Variants in GRK1 observed in about 807,000 individuals in gnomAD.
GRK1 encodes the protein G protein-coupled receptor kinase 1.
Under a neutral mutation model 41.7 loss-of-function variants are expected in GRK1, and 28 were observed. The observed-to-expected ratio is 0.67, with a 90% CI of 0.50 to 0.92. The LOEUF is 0.92. Ranked by LOEUF, GRK1 falls within the 40% of genes least tolerant of loss-of-function variation. The pLI is 0.00. For synonymous variants in GRK1, 327 were observed against 286.7 expected, an observed-to-expected ratio of 1.14 and a Z score of -1.42; for missense variants, 703 against 671.2, an observed-to-expected ratio of 1.05 and a Z score of -0.52.
At chr13:113,733,911 AGT>A (rs778779825) in intron 6 of GRK1, among the ~76,000 whole-genome samples, 17 of 57,386 alleles carry the variant, frequency 3.0e-4, no homozygotes, top group East Asian at 6.3e-4. Context: ...GTGTGCATAC[AGT>A]GTGCGTGTGT....
At chr13:113,649,543 G>T in the GRK1 span, 1 of 1,504,282 alleles carries the variant, frequency 6.6e-7, no homozygotes, top group East Asian at 2.5e-5. The surrounding 1 kb of genome is among the most constrained non-coding windows in gnomAD (Gnocchi z 4.7). Flanking sequence ...GGGCTGAAGT[G>T]GGAGTGAGGA....
the GRK1 span, chr13:113,658,270 C>G: frequency 2.7e-4 from 253 of 921,974 alleles, no homozygotes; most frequent in Non-Finnish European, 3.7e-4. Flanking sequence ...GGCGAAGGAT[C>G]CCAGGGAGAG....
At position 113,733,042 on chromosome 13, in the gene GRK1, C is replaced by T. The variant is rs755381617; in HGVS notation, c.1353C>T (p.Ala451=). The change falls in exon 6 of 7, where the codon GCC becomes GCT. Residue 451 remains alanine, a synonymous_variant. Coordinates refer to ENST00000335678, the MANE Select transcript of GRK1 (RefSeq NM_002929.3). ...FRDETCDKLR[A]HPLFKDLNWR... ...ATGAGACCTGCGACAAGCTCCGTGC[C>T]CACCCCCTCTTCAAGGACCTTAACT... The T allele has an allele frequency of 4.6e-6, 7 of 1,536,948 alleles. No individual in the cohort carries two copies. The South Asian group carries it at 7.1e-5, about 16-fold the overall frequency.
chr13:113,727,629 T>C (rs969770258), intron 4 of GRK1, among the ~76,000 whole-genome samples: 12 of 136,882 alleles, frequency 8.8e-5, no homozygotes, highest in Admixed American at 5.9e-4. Context: ...TGAGGACCCA[T>C]GGCGATGAGG....
At chr13:113,653,019 A>C in the GRK1 span, 1 of 1,614,070 alleles carries the variant, frequency 6.2e-7, no homozygotes, top group South Asian at 1.1e-5. Context: ...TCCTGGAAGA[A>C]GTACTGCTCG....
chr13:113,654,434 C>G, the GRK1 span, among the ~76,000 whole-genome samples: 1 of 152,174 alleles, frequency 6.6e-6, no homozygotes, highest in Admixed American at 6.5e-5. Context: ...GTTTCCTGTG[C>G]GTCCTTGCAG....
chr13:113,669,665 T>C, intron 1 of GRK1, 22 bp from the exon 2 acceptor site: 1 of 1,613,740 alleles, frequency 6.2e-7, no homozygotes, highest in Non-Finnish European at 8.5e-7. Flanking sequence ...AGCCAGTGCG[T>C]ACTCAGCGTC....
upstream of GRK1, among the ~76,000 whole-genome samples, chr13:113,664,128 G>T (rs1331697168): frequency 6.6e-6 from 1 of 152,256 alleles, no homozygotes. The surrounding 1 kb of genome is among the most constrained non-coding windows in gnomAD (Gnocchi z 5.4). Context: ...TGCTGAGTGA[G>T]AAATGCAGGT....
the GRK1 span, among the ~76,000 whole-genome samples, chr13:113,656,796 C>T: frequency 1.2e-4 from 18 of 152,172 alleles, no homozygotes; most frequent in Admixed American, 2.6e-4. Flanking sequence ...AGAAGGTTCT[C>T]TGTGGCCCTG....
chr13:113,653,242 G>A, the GRK1 span: 59 of 1,428,244 alleles, frequency 4.1e-5, no homozygotes, highest in East Asian at 2.8e-4. Context: ...CCCACCCGCC[G>A]CTTCACACCT....
At chr13:113,664,000 A>G (rs1278526691), upstream of GRK1, among the ~76,000 whole-genome samples, 7 of 152,234 alleles carry the variant, frequency 4.6e-5, no homozygotes, top group African/African-American at 1.7e-4. Context: ...CTTTATAGCT[A>G]AACACTGGAA....
chr13:113,649,583 T>C, the GRK1 span: 1 of 1,446,212 alleles, frequency 6.9e-7, no homozygotes, highest in Non-Finnish European at 9.1e-7. This position sits in a 1 kb window ranked among gnomAD's most constrained non-coding sequence, Gnocchi z 4.7. Flanking sequence ...ATCTCTGAAG[T>C]TAAGGAGAGA....
chr13:113,659,522 A>G, the GRK1 span, among the ~76,000 whole-genome samples: 2 of 152,190 alleles, frequency 1.3e-5, no homozygotes, highest in African/African-American at 4.8e-5. Context: ...TAATTGCCCT[A>G]AAATTCAAAT....
chr13:113,725,067 C>T (rs1355722085), intron 4 of GRK1, among the ~76,000 whole-genome samples: 3 of 152,262 alleles, frequency 2.0e-5, no homozygotes, highest in African/African-American at 7.2e-5. Flanking sequence ...AGGCTGTGAC[C>T]CCTGCACAGT....
At chr13:113,733,673 G>GTGTGTGTGCATGTA (rs2049960919) in intron 6 of GRK1, among the ~76,000 whole-genome samples, 1 of 83,844 alleles carries the variant, frequency 1.2e-5, no homozygotes, top group Admixed American at 1.1e-4. Context: ...GTGTGTGCAC[G>GTGTGTGTGCATGTA]TGTGTGCATG....
chr13:113,728,975 A>G (rs542399803), intron 4 of GRK1, among the ~76,000 whole-genome samples: 260 of 152,244 alleles, frequency 1.7e-3, no homozygotes, highest in African/African-American at 6.0e-3. Flanking sequence ...GGGTGCCCGG[A>G]GGCTGCAGCC....
At chr13:113,650,787 C>T in the GRK1 span, among the ~76,000 whole-genome samples, 9 of 152,096 alleles carry the variant, frequency 5.9e-5, no homozygotes, top group African/African-American at 2.2e-4. The surrounding 1 kb of genome is among the most constrained non-coding windows in gnomAD (Gnocchi z 5.0). Context: ...AGCTGGGAGG[C>T]GGCTTGCTTG....
upstream of GRK1, among the ~76,000 whole-genome samples, chr13:113,663,036 T>A (rs72670613): frequency 0.14 from 20,800 of 152,180 alleles, 1,548 homozygotes; most frequent in Middle Eastern, 0.23. Flanking sequence ...TTTTTTGAAA[T>A]TTTTTTTGAA....
the GRK1 span, chr13:113,651,878 C>T: frequency 1.2e-6 from 1 of 852,448 alleles, no homozygotes; most frequent in African/African-American, 1.7e-5. Context: ...TTGCGGCTTC[C>T]CTTGGAGGAA....
Sources: gnomAD v4.1 joint callset for allele counts (sites outside exome capture counted in the v4.1 genomes callset) on GRCh38, gnomAD v4.1.1 for gene constraint, Gnocchi (gnomAD v3.1) non-coding constraint, MANE v1.5 for transcripts, NCBI Gene and HGNC (gene_info 2026-07-23, HGNC 2026-07-21) for gene names.